SLIT1: variants seen among roughly 807,000 people sequenced by gnomAD.
The protein encoded by SLIT1 is slit homolog 1 protein.
SLIT1 carries 66 observed loss-of-function variants against 186.1 expected under a neutral mutation model. That is an observed-to-expected ratio of 0.35 (90% CI 0.29 to 0.44). SLIT1 has a LOEUF of 0.44. Among genes scored for constraint, SLIT1 ranks in the 20% least tolerant of loss-of-function variants. The pLI is 1.00. For missense variants in SLIT1, 1,638 were observed against 2,037.4 expected, an observed-to-expected ratio of 0.80 and a Z score of 3.77; for synonymous variants, 761 against 833.8, an observed-to-expected ratio of 0.91 and a Z score of 1.50.
chr10:97,030,626 G>A (rs892236312), intron 25 of SLIT1, 131 bp downstream of exon 25: 6 of 725,194 alleles, frequency 8.3e-6, no homozygotes, highest in Middle Eastern at 2.4e-4. Context: ...GAAGGTGCAC[G>A]TGGGAAGTTC....
chr10:97,110,054 C>G (rs1000619276), intron 4 of SLIT1, among the ~76,000 whole-genome samples: 4 of 152,160 alleles, frequency 2.6e-5, no homozygotes, highest in Admixed American at 6.5e-5. Flanking sequence ...ACTGTCCACC[C>G]AATAATCACT....
intron 4 of SLIT1, among the ~76,000 whole-genome samples, chr10:97,067,230 C>T (rs1384237063): frequency 1.3e-5 from 2 of 152,160 alleles, no homozygotes; most frequent in Non-Finnish European, 2.9e-5. Flanking sequence ...GGGGAGGGGG[C>T]GCTGTCAGGA....
At chr10:97,133,377 C>T (rs976626426) in intron 4 of SLIT1, among the ~76,000 whole-genome samples, 12 of 152,174 alleles carry the variant, frequency 7.9e-5, no homozygotes, top group African/African-American at 2.9e-4. Context: ...CATAGGGAGA[C>T]CCCATCTCTA....
intron 25 of SLIT1, among the ~76,000 whole-genome samples, chr10:97,026,675 G>A (rs1848548960): frequency 6.6e-6 from 1 of 152,158 alleles, no homozygotes. Context: ...TAGCAATGAA[G>A]ACAGACATTG....
intron 4 of SLIT1, among the ~76,000 whole-genome samples, chr10:97,134,891 C>G (rs376759769): frequency 3.3e-5 from 5 of 152,314 alleles, no homozygotes; most frequent in African/African-American, 1.2e-4. Context: ...CTAACCCACT[C>G]ACTGTGCAAC....
chr10:97,048,810 T>C, intron 14 of SLIT1, 145 bp downstream of exon 14: 1 of 739,674 alleles, frequency 1.4e-6, no homozygotes, highest in Non-Finnish European at 2.3e-6. Context: ...CGGGCAGGTA[T>C]GCAGGTGGAC....
intron 4 of SLIT1, among the ~76,000 whole-genome samples, chr10:97,145,251 A>G (rs2817655): frequency 0.95 from 144,854 of 152,090 alleles, 69,336 homozygotes; most frequent in East Asian, 1. Context: ...CCAAGTAGCT[A>G]GGACTACAGG....
rs370530588 is a variant in SLIT1 at position 97,172,219 on chromosome 10, C to T, written c.198-7329G>A. 2.9e-4 allele frequency among the ~76,000 whole-genome samples: 44 copies of T among 152,014 alleles called. No homozygotes were observed. In the East Asian group the frequency reaches 6.2e-3, roughly 21 times the overall value. On this transcript the variant is annotated intron_variant, in intron 1 of 36. Transcript: ENST00000266058. ...CACTATACCCAGCTAAATTTTTTTG[C>T]ATTTTTAGTAGAGGCAGGGTTTCAC...
chr10:97,104,892 C>T (rs561693771), intron 4 of SLIT1, among the ~76,000 whole-genome samples: 1 of 152,296 alleles, frequency 6.6e-6, no homozygotes, highest in African/African-American at 2.4e-5. Context: ...TATATCTCAT[C>T]CTTGACGCTG....
chr10:97,020,077 C>A (rs1848489370), intron 26 of SLIT1, among the ~76,000 whole-genome samples: 2 of 151,928 alleles, frequency 1.3e-5, no homozygotes, highest in Non-Finnish European at 2.9e-5. Context: ...TGGGCTCAAG[C>A]AATCTTTCCA....
intron 22 of SLIT1, among the ~76,000 whole-genome samples, chr10:97,035,547 C>T (rs1056352148): frequency 1.3e-5 from 2 of 152,240 alleles, no homozygotes; most frequent in East Asian, 3.9e-4. Context: ...CCTGAGCCAG[C>T]GTCCTCTCTC....
At position 96,998,336 on chromosome 10, in the gene SLIT1, C is replaced by G. The variant is rs550731918; in HGVS notation, c.*2776G>C. On this transcript the variant is annotated 3_prime_UTR_variant, in exon 37 of 37. Transcript: ENST00000266058. ...TATTCTGTATAAAGAGATACTTTTGCGGTTAGGCTACCAGCAGGCAAAGAG... is the reference window on the plus strand; with the variant it reads ...TATTCTGTATAAAGAGATACTTTTGGGGTTAGGCTACCAGCAGGCAAAGAG... The G allele has an allele frequency of 1.3e-5, 2 of 152,162 alleles. No homozygotes were observed. The highest frequency in any genetic ancestry group is 4.8e-5 in the African/African-American group (2 of 41,438). 9.4% of individuals were successfully genotyped at this position (152,162 alleles called of 1,614,324 possible). A position where few individuals can be genotyped will look rare whatever the true frequency, so the allele number is the denominator to read the frequency against.
intron 4 of SLIT1, among the ~76,000 whole-genome samples, chr10:97,085,883 G>T (rs1280835975): frequency 1.3e-5 from 2 of 152,188 alleles, no homozygotes; most frequent in Admixed American, 1.3e-4. Context: ...CTTGGGAGGG[G>T]TCTGCGATGT....
chr10:97,077,859 C>G (rs1334343305), intron 4 of SLIT1, among the ~76,000 whole-genome samples: 1 of 152,064 alleles, frequency 6.6e-6, no homozygotes, highest in African/African-American at 2.4e-5. Flanking sequence ...GTAATCCCAG[C>G]ACTTTGGGAG....
At chr10:97,162,337 C>A (rs1189100056) in intron 3 of SLIT1, among the ~76,000 whole-genome samples, 1 of 152,116 alleles carries the variant, frequency 6.6e-6, no homozygotes, top group Admixed American at 6.5e-5. Context: ...TGGCCAGGCA[C>A]GGTGGCTCAC....
At chr10:97,120,454 A>G (rs115138359) in intron 4 of SLIT1, among the ~76,000 whole-genome samples, 2,178 of 152,282 alleles carry the variant, frequency 0.014, 45 homozygotes, top group African/African-American at 0.049. Context: ...CACTGCTCCC[A>G]TTTCACAGTT....
chr10:97,154,360 T>C (rs1849919721), intron 4 of SLIT1: 1 of 152,208 alleles, frequency 6.6e-6, no homozygotes, highest in African/African-American at 2.4e-5. Context: ...CAGGGCACAC[T>C]GCCTGGGAGT....
chr10:97,138,490 A>C (rs1849725756), intron 4 of SLIT1, among the ~76,000 whole-genome samples: 1 of 152,222 alleles, frequency 6.6e-6, no homozygotes, highest in Non-Finnish European at 1.5e-5. Flanking sequence ...GGGATGACTG[A>C]AGTCTCATGC....
chr10:97,087,106 A>AT (rs1849169014), intron 4 of SLIT1, among the ~76,000 whole-genome samples: 1 of 151,446 alleles, frequency 6.6e-6, no homozygotes, highest in South Asian at 2.1e-4. Context: ...AATTAAAAAA[A>AT]AAAAAACAGG....
Sources: gnomAD v4.1 joint callset for allele counts (sites outside exome capture counted in the v4.1 genomes callset) on GRCh38, gnomAD v4.1.1 for gene constraint, MANE v1.5 for transcripts, NCBI Gene and HGNC (gene_info 2026-07-23, HGNC 2026-07-21) for gene names.